Variants in HTR1F observed in about 807,000 individuals in gnomAD.
HTR1F encodes 5-hydroxytryptamine receptor 1F, also known as 5-hydroxytryptamine (serotonin) receptor 1F, G protein-coupled.
HTR1F carries 17 observed loss-of-function variants against 24.0 expected under a neutral mutation model. The ratio of observed to expected loss-of-function variants is 0.71; its 90% CI spans 0.48 to 1.06. HTR1F has a LOEUF of 1.06. HTR1F is among the 50% of genes least tolerant of loss of function. The pLI is 0.00. For synonymous variants in HTR1F, 186 were observed against 156.8 expected (o/e 1.19, Z -1.39); for missense variants, 391 against 427.8 (o/e 0.91, Z 0.76).
At chr3:87,805,907 G>C (rs1704065860) in intron 1 of HTR1F, among the ~76,000 whole-genome samples, 1 of 152,024 alleles carries the variant, frequency 6.6e-6, no homozygotes, top group Non-Finnish European at 1.5e-5. Context: ...CCACATGTTT[G>C]TACTCATTAA....
At chr3:87,961,336 C>T (rs1349627585) in intron 2 of HTR1F, among the ~76,000 whole-genome samples, 2 of 151,954 alleles carry the variant, frequency 1.3e-5, no homozygotes, top group South Asian at 2.1e-4. Flanking sequence ...GACCCCATTC[C>T]GAGCCAACTC....
At chr3:87,889,199 G>A (rs116069513) in intron 2 of HTR1F, among the ~76,000 whole-genome samples, 3,654 of 152,084 alleles carry the variant, frequency 0.024, 67 homozygotes, top group Non-Finnish European at 0.031. Flanking sequence ...CTCATCAGAT[G>A]CCCAGTCTTA....
intron 1 of HTR1F, among the ~76,000 whole-genome samples, 46 bp from the exon 2 acceptor site, chr3:87,821,962 G>A (rs527416455): frequency 6.6e-6 from 1 of 152,240 alleles, no homozygotes; most frequent in Admixed American, 6.5e-5. Flanking sequence ...GAAAATTTCA[G>A]GAGAAGAGAC....
chr3:87,794,989 T>C (rs1273388041), intron 1 of HTR1F, among the ~76,000 whole-genome samples: 5 of 63,558 alleles, frequency 7.9e-5, no homozygotes, highest in Admixed American at 6.1e-4. Context: ...TGACTTTTTT[T>C]TTTTTTTTTT....
At chr3:87,902,622 A>G (rs1706351991) in intron 2 of HTR1F, among the ~76,000 whole-genome samples, 1 of 151,620 alleles carries the variant, frequency 6.6e-6, no homozygotes, top group Admixed American at 6.6e-5. Context: ...TTATACTTTA[A>G]GTTTTAGGGT....
Position 87,991,514 on chromosome 3 carries a change from A to G in HTR1F, c.765A>G (p.Ser255=), listed in dbSNP as rs142679464. 26 of 1,613,466 alleles carry G rather than the reference A, an allele frequency of 1.6e-5. No individual in the cohort carries two copies. In the African/African-American group the frequency reaches 3.2e-4, roughly 20 times the overall value. The change falls in exon 3 of 3, where the codon TCA becomes TCG. Residue 255 remains serine, a synonymous_variant. Transcript: ENST00000319595. The part of the protein sequence containing the change: ...YVLEKSLSDP[S]TDFDKIHSTV... ...TAGAAAAGTCTTTATCTGACCCATCAACAGACTTTGATAAAATTCATAGCA... is the reference window on the plus strand; with the variant it reads ...TAGAAAAGTCTTTATCTGACCCATCGACAGACTTTGATAAAATTCATAGCA...
In HTR1F at chr3:87,928,080, C is replaced by G. The variant is rs1847306; in HGVS notation, c.-42-62628C>G. On this transcript the variant is annotated intron_variant, in intron 2 of 2. Coordinates refer to ENST00000319595, the MANE Select transcript of HTR1F (RefSeq NM_001322209.2). ...TTTTTTTTTGAGACAGAGTCTTGCT[C>G]TGTCACCCAGGCTGGAGTGCAGTGG... Among the ~76,000 whole-genome samples, 801 of 144,450 alleles carry G rather than the reference C, an allele frequency of 5.5e-3. 4 individuals are homozygous for G. Among genetic ancestry groups the G allele is most frequent in the African/African-American group, 0.02 (763 of 38,586 alleles). The allele number at this position is 144,450 out of a possible 152,430, so 94.8% of individuals were successfully genotyped here. A position where few individuals can be genotyped will look rare whatever the true frequency, so the allele number is the denominator to read the frequency against.
chr3:87,917,903 A>G (rs1203385202), intron 2 of HTR1F, among the ~76,000 whole-genome samples: 1 of 151,942 alleles, frequency 6.6e-6, no homozygotes, highest in Non-Finnish European at 1.5e-5. Flanking sequence ...CAAAACCAGT[A>G]AAGGACATAA....
intron 2 of HTR1F, among the ~76,000 whole-genome samples, chr3:87,931,124 T>C (rs1417174083): frequency 6.6e-6 from 1 of 151,764 alleles, no homozygotes; most frequent in East Asian, 1.9e-4. Context: ...TGTATACATG[T>C]GCCATGCTGG....
At chr3:87,877,547 G>T (rs1419874259) in intron 2 of HTR1F, among the ~76,000 whole-genome samples, 1 of 152,086 alleles carries the variant, frequency 6.6e-6, no homozygotes, top group African/African-American at 2.4e-5. Flanking sequence ...CACTTTATAT[G>T]CATTATAGCT....
chr3:87,943,138 G>T (rs6782603), intron 2 of HTR1F, among the ~76,000 whole-genome samples: 27,228 of 152,012 alleles, frequency 0.18, 2,660 homozygotes, highest in African/African-American at 0.27. Context: ...TCTCAGTGAG[G>T]GTCTACACTG....
chr3:87,917,603 G>A (rs888637464), intron 2 of HTR1F, among the ~76,000 whole-genome samples: 1 of 151,818 alleles, frequency 6.6e-6, no homozygotes, highest in African/African-American at 2.4e-5. Flanking sequence ...GCATAAACTA[G>A]AAAACCAAGA....
At chr3:87,852,467 T>C (rs1160867530) in intron 2 of HTR1F, among the ~76,000 whole-genome samples, 2 of 151,828 alleles carry the variant, frequency 1.3e-5, no homozygotes, top group African/African-American at 2.4e-5. Context: ...CTTAGTTTTA[T>C]CCTGAAATAA....
chr3:87,873,131 C>CAG (rs201205553), intron 2 of HTR1F, among the ~76,000 whole-genome samples: 11,264 of 112,370 alleles, frequency 0.1, 512 homozygotes, highest in Middle Eastern at 0.16. Flanking sequence ...CACACACACA[C>CAG]ACAGAGAGAT....
intron 1 of HTR1F, among the ~76,000 whole-genome samples, chr3:87,811,000 C>CTTTGTT (rs1370097393): frequency 6.6e-6 from 1 of 152,146 alleles, no homozygotes; most frequent in Non-Finnish European, 1.5e-5. Context: ...GATAACTTGA[C>CTTTGTT]TTTGTTTTTA....
At chr3:87,890,312 G>A (rs1706048236) in intron 2 of HTR1F, among the ~76,000 whole-genome samples, 1 of 152,168 alleles carries the variant, frequency 6.6e-6, no homozygotes, top group South Asian at 2.1e-4. Flanking sequence ...ATACCTGAGG[G>A]AATATAATCA....
rs551613894 is a variant in HTR1F, at chr3:87,863,864, G to A, written c.-43+41740G>A. Among the ~76,000 whole-genome samples the A allele has an allele frequency of 1.5e-4, 23 of 152,316 alleles. No homozygotes were observed. In the South Asian group the frequency reaches 4.3e-3, roughly 29 times the overall value. ...TATCTTACAGTTCTAGACATCAGAA[G>A]TTTGAAATGGTTATCACTGGGCTAA... On this transcript the variant is annotated intron_variant, in intron 2 of 2. Coordinates refer to ENST00000319595, the MANE Select transcript of HTR1F (RefSeq NM_001322209.2).
At chr3:87,940,901 C>G (rs1704552567) in intron 2 of HTR1F, among the ~76,000 whole-genome samples, 1 of 152,188 alleles carries the variant, frequency 6.6e-6, no homozygotes. Context: ...ACAGTAAGAT[C>G]TCTTCCCTGT....
intron 2 of HTR1F, among the ~76,000 whole-genome samples, chr3:87,969,193 G>A (rs1440772524): frequency 2.0e-5 from 3 of 152,254 alleles, no homozygotes; most frequent in Non-Finnish European, 4.4e-5. Flanking sequence ...CTCTCACACA[G>A]ATTCCCCACT....
Sources: allele counts gnomAD v4.1 joint callset (sites outside exome capture counted in the v4.1 genomes callset), GRCh38; gene constraint gnomAD v4.1.1; transcripts MANE v1.5; gene names NCBI Gene and HGNC (gene_info 2026-07-23, HGNC 2026-07-21).